The following NLGN1 variants were observed in gnomAD, a reference collection of about 807,000 sequenced individuals.
NLGN1 encodes neuroligin-1.
Under a neutral mutation model 65.5 loss-of-function variants are expected in NLGN1, and 12 were observed. The observed-to-expected ratio is 0.18, with a 90% CI of 0.12 to 0.30. The LOEUF is 0.30. Among genes scored for constraint, NLGN1 ranks in the 10% least tolerant of loss-of-function variants. The probability of loss-of-function intolerance (pLI) is 1.00; values close to 1 mark genes in which losing one functional copy is unlikely to be tolerated. For missense variants in NLGN1, 750 were observed against 1,007.1 expected, an observed-to-expected ratio of 0.74 and a Z score of 3.46; for synonymous variants, 350 against 359.5, an observed-to-expected ratio of 0.97 and a Z score of 0.30.
chr3:173,991,650 AG>A (rs553360800), intron 4 of NLGN1, among the ~76,000 whole-genome samples: 70 of 152,204 alleles, frequency 4.6e-4, no homozygotes, highest in Non-Finnish European at 9.0e-4. Flanking sequence ...CAGATTTAGA[AG>A]GAAGTACAAA....
intron 3 of NLGN1, among the ~76,000 whole-genome samples, chr3:173,611,913 A>C (rs1216816444): frequency 6.6e-6 from 1 of 152,090 alleles, no homozygotes; most frequent in Non-Finnish European, 1.5e-5. Flanking sequence ...AAAAACTGCT[A>C]TCCTTTCTCC....
chr3:173,592,884 C>A (rs1748773265), intron 2 of NLGN1, among the ~76,000 whole-genome samples: 1 of 152,144 alleles, frequency 6.6e-6, no homozygotes, highest in South Asian at 2.1e-4. Context: ...CCAACAAATT[C>A]TTGAGTTGTC....
intron 4 of NLGN1, among the ~76,000 whole-genome samples, chr3:173,856,980 A>C (rs1261226717): frequency 2.6e-5 from 4 of 151,608 alleles, no homozygotes; most frequent in Non-Finnish European, 4.4e-5. Context: ...AAATTGAAGA[A>C]GCTGGAAAGG....
chr3:174,237,365 T>C (rs564166219), intron 4 of NLGN1, among the ~76,000 whole-genome samples: 31 of 152,304 alleles, frequency 2.0e-4, no homozygotes, highest in African/African-American at 7.2e-4. Context: ...TAATTATGTT[T>C]AACAATTTTA....
At chr3:174,013,628 C>T (rs1242442737) in intron 4 of NLGN1, among the ~76,000 whole-genome samples, 1 of 152,176 alleles carries the variant, frequency 6.6e-6, no homozygotes, top group African/African-American at 2.4e-5. Context: ...GCCTCACATA[C>T]ATTTGTTAAA....
At chr3:173,466,171 A>G (rs1226158981) in intron 2 of NLGN1, among the ~76,000 whole-genome samples, 1 of 152,152 alleles carries the variant, frequency 6.6e-6, no homozygotes, top group Non-Finnish European at 1.5e-5. Context: ...TGTGGTATAG[A>G]GACACTGTCT....
At chr3:173,891,308 A>G (rs1735286446) in intron 4 of NLGN1, among the ~76,000 whole-genome samples, 1 of 152,160 alleles carries the variant, frequency 6.6e-6, no homozygotes, top group African/African-American at 2.4e-5. Context: ...TGGAAGGATT[A>G]TGGGCTGATA....
intron 3 of NLGN1, among the ~76,000 whole-genome samples, chr3:173,642,261 C>A (rs1265822962): frequency 1.3e-5 from 2 of 152,056 alleles, no homozygotes; most frequent in African/African-American, 4.8e-5. Flanking sequence ...GCAAAATATG[C>A]CATACAACTC....
chr3:173,807,898 T>C, intron 4 of NLGN1, 66 bp downstream of exon 4: 1 of 1,515,584 alleles, frequency 6.6e-7, no homozygotes, highest in Non-Finnish European at 9.1e-7. Context: ...TTGTTTTGAC[T>C]TGTTTTGTTC....
At chr3:173,712,811 A>G (rs1769194486) in intron 3 of NLGN1, among the ~76,000 whole-genome samples, 1 of 148,046 alleles carries the variant, frequency 6.8e-6, no homozygotes, top group South Asian at 2.1e-4. Flanking sequence ...TGATTTTTTA[A>G]AGATAAAAAA....
At chr3:173,726,187 T>C (rs1771742678) in intron 3 of NLGN1, among the ~76,000 whole-genome samples, 1 of 151,740 alleles carries the variant, frequency 6.6e-6, no homozygotes, top group African/African-American at 2.4e-5. Flanking sequence ...GGGGTCATCT[T>C]AGGGCATGTT....
chr3:173,616,381 C>T (rs949700451), intron 3 of NLGN1, among the ~76,000 whole-genome samples: 12 of 151,996 alleles, frequency 7.9e-5, no homozygotes, highest in African/African-American at 2.9e-4. Flanking sequence ...GACACGCAAA[C>T]AAACAGAAAA....
At position 173,794,250 on chromosome 3, in the gene NLGN1, T is replaced by C. The variant is rs75018785; in HGVS notation, c.494-13430T>C. On this transcript the variant is annotated intron_variant, in intron 3 of 6. Transcript: ENST00000457714. Reference sequence around the variant, plus strand: ...ACCAAGACTTTTTCCTTGACACTTATCACAATTTATAAGTGTATGTGTATG... The same window carrying C: ...ACCAAGACTTTTTCCTTGACACTTACCACAATTTATAAGTGTATGTGTATG... 8.8e-3 allele frequency among the ~76,000 whole-genome samples: 1,347 copies of C among 152,280 alleles called. 21 individuals are homozygous for C. Among genetic ancestry groups the C allele is most frequent in the African/African-American group, 0.03 (1,263 of 41,558 alleles).
At position 174,053,162 on chromosome 3, in the gene NLGN1, G is replaced by A. The variant is rs191070271; in HGVS notation, c.647-222153G>A. ...AAAATGAAATAAATAGATTGGGTGAGTTTCTTGCCTTTAAAACTTACTATC... is the reference window on the plus strand; with the variant it reads ...AAAATGAAATAAATAGATTGGGTGAATTTCTTGCCTTTAAAACTTACTATC... On this transcript the variant is annotated intron_variant, in intron 4 of 6. Coordinates refer to ENST00000457714, the Ensembl canonical transcript of NLGN1. Among the ~76,000 whole-genome samples the A allele has an allele frequency of 1.5e-3, 229 of 152,008 alleles. 1 individual carries two copies. Among genetic ancestry groups the A allele is most frequent in the Non-Finnish European group, 2.6e-3 (179 of 67,900 alleles).
At chr3:173,901,845 C>T (rs1737442110) in intron 4 of NLGN1, among the ~76,000 whole-genome samples, 3 of 152,072 alleles carry the variant, frequency 2.0e-5, no homozygotes, top group Admixed American at 2.0e-4. Context: ...GGACGTACTG[C>T]AGTTGCTGTG....
intron 4 of NLGN1, among the ~76,000 whole-genome samples, chr3:174,010,623 A>G (rs1350119854): frequency 7.9e-5 from 12 of 152,182 alleles, no homozygotes; most frequent in Admixed American, 7.9e-4. Context: ...GGCAGATTTT[A>G]TATAACATCT....
intron 4 of NLGN1, among the ~76,000 whole-genome samples, chr3:174,203,604 C>T (rs1387902574): frequency 6.6e-6 from 1 of 152,150 alleles, no homozygotes; most frequent in African/African-American, 2.4e-5. Flanking sequence ...GCACCCACAT[C>T]TATGAGGAAA....
rs1014500421 is a variant in NLGN1 at position 173,489,259 on chromosome 3, A to G, written c.-321+54181A>G. Among the ~76,000 whole-genome samples the G allele has an allele frequency of 6.3e-5, 9 of 142,060 alleles. No homozygotes were observed. In the South Asian group the frequency reaches 6.9e-4, roughly 11 times the overall value. 93.2% of individuals were successfully genotyped at this position (142,060 alleles called of 152,430 possible). ...TTACCCCCACCCCACAACAGGCCCC[A>G]GTGTGTGATGTCCCCCTTCCTGTGT... On this transcript the variant is annotated intron_variant, in intron 2 of 6. Transcript: ENST00000457714.
chr3:173,418,672 CATTT>C (rs1714297751), intron 1 of NLGN1, among the ~76,000 whole-genome samples: 1 of 152,012 alleles, frequency 6.6e-6, no homozygotes, highest in Middle Eastern at 3.2e-3. Flanking sequence ...ATCTACTGTC[CATTT>C]ATTCTGTTTA....
Sources: gnomAD v4.1 joint callset for allele counts (sites outside exome capture counted in the v4.1 genomes callset) on GRCh38, gnomAD v4.1.1 for gene constraint, MANE v1.5 for transcripts, NCBI Gene and HGNC (gene_info 2026-07-23, HGNC 2026-07-21) for gene names.